The following HTR3B variants were observed in gnomAD, a reference collection of about 807,000 sequenced individuals.
The protein encoded by HTR3B is 5-hydroxytryptamine (serotonin) receptor 3B, ionotropic.
HTR3B carries 44 observed loss-of-function variants against 42.8 expected under a neutral mutation model. The observed-to-expected ratio is 1.03, with a 90% CI of 0.81 to 1.32. The LOEUF (loss-of-function observed/expected upper bound fraction) is 1.32, where lower values mean the gene tolerates loss of function less well. Among genes scored for constraint, HTR3B ranks in the 40% most tolerant of loss-of-function variants. HTR3B has a pLI of 0.00. For synonymous variants in HTR3B, 203 were observed against 209.0 expected, an observed-to-expected ratio of 0.97 and a Z score of 0.25; for missense variants, 527 against 536.5, an observed-to-expected ratio of 0.98 and a Z score of 0.17.
In HTR3B at chr11:113,909,348, A is replaced by T; in HGVS notation, c.106A>T (p.Ser36Cys). The change falls in exon 2 of 9, where the codon AGC becomes TGC. Residue 36 changes from serine to cysteine, a missense_variant. Transcript: ENST00000260191. The stretch of plus-strand genomic sequence containing the variant: ...CCAGGATTCTGCTCTGTATCATCTC[A>T]GCAAGCAGCTATTACAGAAATATCA... ...HPQDSALYHL[S>C]KQLLQKYHKE... 9.3e-6 allele frequency: 15 copies of T among 1,612,922 alleles called. No individual in the cohort carries two copies. The highest frequency in any genetic ancestry group is 1.3e-5 in the Non-Finnish European group (15 of 1,178,836).
At chr11:113,939,540 C>A (rs760432354) in intron 6 of HTR3B, among the ~76,000 whole-genome samples, 1 of 152,132 alleles carries the variant, frequency 6.6e-6, no homozygotes, top group African/African-American at 2.4e-5. Context: ...CAGATGATTT[C>A]TCGGGGAACA....
At chr11:113,916,994 T>C (rs1460486858) in intron 2 of HTR3B, among the ~76,000 whole-genome samples, 1 of 152,208 alleles carries the variant, frequency 6.6e-6, no homozygotes, top group Non-Finnish European at 1.5e-5. Flanking sequence ...TACTTCTTTC[T>C]TTCTGATCTT....
intron 2 of HTR3B, among the ~76,000 whole-genome samples, chr11:113,917,588 A>G (rs188405358): frequency 1.3e-3 from 191 of 152,058 alleles, no homozygotes; most frequent in Non-Finnish European, 1.7e-3. Flanking sequence ...GTGCATACAC[A>G]TTTAGACTTA....
At chr11:113,904,056 A>T (rs760210265), upstream of HTR3B, among the ~76,000 whole-genome samples, 2 of 152,280 alleles carry the variant, frequency 1.3e-5, no homozygotes, top group African/African-American at 4.8e-5. Flanking sequence ...AAGCAGGCAG[A>T]TGTTGGAAAT....
chr11:113,910,250 C>A (rs555889936), intron 2 of HTR3B, among the ~76,000 whole-genome samples: 2 of 152,100 alleles, frequency 1.3e-5, no homozygotes, highest in African/African-American at 4.8e-5. Context: ...TTTATTAAAG[C>A]ATCCTTTTTC....
chr11:113,939,330 CTAA>C (rs1221817794), intron 6 of HTR3B, among the ~76,000 whole-genome samples: 1 of 152,208 alleles, frequency 6.6e-6, no homozygotes, highest in Non-Finnish European at 1.5e-5. Flanking sequence ...ACAGGGTCAG[CTAA>C]TAATATGCAG....
chr11:113,941,965 A>G (rs770303378), intron 6 of HTR3B, among the ~76,000 whole-genome samples: 9 of 152,164 alleles, frequency 5.9e-5, no homozygotes, highest in Non-Finnish European at 1.0e-4. Context: ...CTCATTTTTG[A>G]GCCGTCTTCA....
intron 8 of HTR3B, among the ~76,000 whole-genome samples, chr11:113,945,239 A>G (rs1015160489): frequency 3.3e-5 from 5 of 152,106 alleles, no homozygotes; most frequent in African/African-American, 9.7e-5. Flanking sequence ...GGCTCAAGCT[A>G]TTCTCCTGCC....
At chr11:113,904,574 T>C (rs757361733), upstream of HTR3B, 4 of 198,228 alleles carry the variant, frequency 2.0e-5, no homozygotes, top group Non-Finnish European at 4.1e-5. Flanking sequence ...GTAAAGGCTG[T>C]AAAGGAAATC....
upstream of HTR3B, among the ~76,000 whole-genome samples, chr11:113,902,839 T>G (rs45585140): frequency 0.06 from 9,194 of 152,242 alleles, 386 homozygotes; most frequent in Non-Finnish European, 0.083. Flanking sequence ...CAGTCTTTCC[T>G]TAACTTTTAT....
At chr11:113,921,197 G>A (rs1336491218) in intron 2 of HTR3B, among the ~76,000 whole-genome samples, 4 of 150,580 alleles carry the variant, frequency 2.7e-5, no homozygotes, top group African/African-American at 9.8e-5. Context: ...CCAGGGTGGA[G>A]TGCAGTGGCA....
At chr11:113,901,147 A>G (rs1024041800), upstream of HTR3B, among the ~76,000 whole-genome samples, 3 of 152,140 alleles carry the variant, frequency 2.0e-5, no homozygotes, top group African/African-American at 4.8e-5. Flanking sequence ...CAAACCTAAA[A>G]GAACTGAGTA....
chr11:113,934,164 A>T (rs1453366633), intron 6 of HTR3B, among the ~76,000 whole-genome samples: 1 of 152,206 alleles, frequency 6.6e-6, no homozygotes, highest in Non-Finnish European at 1.5e-5. Context: ...AGGCAGGCAG[A>T]TCATTTGAGG....
intron 2 of HTR3B, among the ~76,000 whole-genome samples, chr11:113,918,658 A>G (rs4938058): frequency 0.26 from 36,680 of 140,994 alleles, 4,888 homozygotes; most frequent in Middle Eastern, 0.34. Context: ...ATGACAATCT[A>G]TGCATTTTTT....
rs555971306 is a variant in HTR3B, at chr11:113,931,848, G to A, written c.349G>A (p.Asp117Asn). ...SLPLSAIWAPDIIINEFVDIE... is the reference protein window; with the variant it reads ...SLPLSAIWAPNIIINEFVDIE... Reference sequence around the variant, plus strand: ...ACCTCTAAGTGCCATCTGGGCCCCCGATATCATCATCAATGAGTTGTAAGT... The same window carrying A: ...ACCTCTAAGTGCCATCTGGGCCCCCAATATCATCATCAATGAGTTGTAAGT... Residue 117 changes from aspartate to asparagine, a missense_variant, in exon 4 of 9, where the codon GAT (aspartate) becomes AAT (asparagine). By Grantham distance (23) the Asp-to-Asn change is conservative. Coordinates refer to ENST00000260191, the MANE Select transcript of HTR3B (RefSeq NM_006028.5). 9.4e-6 allele frequency: 15 copies of A among 1,588,436 alleles called. No individual in the cohort carries two copies. The highest frequency in any genetic ancestry group is 2.2e-5 in the East Asian group (1 of 44,760).
intron 2 of HTR3B, among the ~76,000 whole-genome samples, chr11:113,928,574 G>A (rs1294352003): frequency 6.6e-6 from 1 of 152,092 alleles, no homozygotes; most frequent in Admixed American, 6.6e-5. Flanking sequence ...GTATCATTCT[G>A]TTGCCCAGGC....
At chr11:113,935,078 T>C (rs1179238547) in intron 6 of HTR3B, among the ~76,000 whole-genome samples, 1 of 152,114 alleles carries the variant, frequency 6.6e-6, no homozygotes, top group Admixed American at 6.5e-5. Flanking sequence ...TCTCTCTCCA[T>C]AGAGCAGCTA....
intron 2 of HTR3B, among the ~76,000 whole-genome samples, chr11:113,925,417 GTTTT>G (rs201996305): frequency 1.6e-4 from 16 of 100,732 alleles, no homozygotes; most frequent in African/African-American, 5.7e-4. Context: ...TTACGAATTT[GTTTT>G]TTTTTTTTTT....
chr11:113,927,936 T>C (rs923240782), intron 2 of HTR3B, among the ~76,000 whole-genome samples: 1 of 152,176 alleles, frequency 6.6e-6, no homozygotes, highest in African/African-American at 2.4e-5. Context: ...GTTTGTTACA[T>C]AGGTAAACGT....
Sources: gnomAD v4.1 joint callset for allele counts (sites outside exome capture counted in the v4.1 genomes callset) on GRCh38, gnomAD v4.1.1 for gene constraint, MANE v1.5 for transcripts, NCBI Gene and HGNC (gene_info 2026-07-23, HGNC 2026-07-21) for gene names.